OXR1: variants seen among roughly 807,000 people sequenced by gnomAD.
The protein encoded by OXR1 is oxidation resistance 1.
In OXR1, 41 loss-of-function variants were observed where a neutral mutation model predicts 104.6. That is an observed-to-expected ratio of 0.39 (90% CI 0.31 to 0.51). OXR1 has a LOEUF of 0.51. Ranked by LOEUF, OXR1 falls within the 20% of genes least tolerant of loss-of-function variation. The probability of loss-of-function intolerance (pLI) is 0.77; values close to 1 mark genes in which losing one functional copy is unlikely to be tolerated. For missense variants in OXR1, 955 were observed against 1,031.9 expected (o/e 0.93, Z 1.02); for synonymous variants, 348 against 348.4 (o/e 1.00, Z 0.01).
At chr8:106,521,346 T>A (rs1813241642) in intron 3 of OXR1, among the ~76,000 whole-genome samples, 1 of 152,180 alleles carries the variant, frequency 6.6e-6, no homozygotes, top group South Asian at 2.1e-4. Context: ...CAGGTAAGTG[T>A]TACACCCTAT....
chr8:106,360,250 C>T (rs946198485), intron 2 of OXR1, among the ~76,000 whole-genome samples: 9 of 152,100 alleles, frequency 5.9e-5, no homozygotes, highest in African/African-American at 1.4e-4. Context: ...CAATGAAGAA[C>T]AATACTAGTA....
At chr8:106,628,504 T>C (rs1822372860) in intron 3 of OXR1, among the ~76,000 whole-genome samples, 2 of 152,180 alleles carry the variant, frequency 1.3e-5, no homozygotes, top group Admixed American at 1.3e-4. Context: ...AACTCCAAAA[T>C]TGATGCTTTT....
At chr8:106,431,329 T>C (rs1819351044) in intron 2 of OXR1, among the ~76,000 whole-genome samples, 1 of 152,198 alleles carries the variant, frequency 6.6e-6, no homozygotes, top group Non-Finnish European at 1.5e-5. Context: ...TGTTTTAAAC[T>C]GGTGTGGATA....
At chr8:106,564,867 C>T (rs1816956826) in intron 3 of OXR1, among the ~76,000 whole-genome samples, 1 of 152,202 alleles carries the variant, frequency 6.6e-6, no homozygotes, top group Non-Finnish European at 1.5e-5. Context: ...ATAAACAGAA[C>T]CAATGACAAA....
chr8:106,740,073 G>A (rs1834787920), intron 13 of OXR1, among the ~76,000 whole-genome samples: 1 of 152,086 alleles, frequency 6.6e-6, no homozygotes, highest in African/African-American at 2.4e-5. Context: ...GAAGGCAAAA[G>A]CATTAAGTAA....
intron 11 of OXR1, among the ~76,000 whole-genome samples, chr8:106,733,034 T>C (rs933934643): frequency 3.3e-5 from 5 of 152,160 alleles, no homozygotes; most frequent in African/African-American, 9.7e-5. Context: ...GGTTATTAAT[T>C]ATTGATTAAT....
chr8:106,640,602 T>C (rs1823550625), intron 3 of OXR1, among the ~76,000 whole-genome samples: 1 of 152,076 alleles, frequency 6.6e-6, no homozygotes, highest in South Asian at 2.1e-4. Flanking sequence ...AGTACATGTA[T>C]ATTTAAAGTG....
At chr8:106,421,259 A>G (rs1818894463) in intron 2 of OXR1, among the ~76,000 whole-genome samples, 1 of 152,192 alleles carries the variant, frequency 6.6e-6, no homozygotes, top group Admixed American at 6.6e-5. Context: ...ACCTCTTGAC[A>G]TAATTCTGAG....
At position 106,742,299 on chromosome 8, in the gene OXR1, A is replaced by G. The variant is rs893725974; in HGVS notation, c.2394A>G (p.Thr798=). 1.9e-6 allele frequency: 3 copies of G among 1,605,474 alleles called. No homozygotes were observed. The highest frequency in any genetic ancestry group is 2.2e-5 in the South Asian group (2 of 90,634). ...GTACTGGAGAGACCTTTGTTTTTAC[A>G]TTCTGTCCGGAGTTTGAGGTAAGAA... The part of the protein sequence containing the change: ...FYGTGETFVF[T]FCPEFEVFKW... The change falls in exon 15 of 17, where the codon ACA becomes ACG. Residue 798 remains threonine (T), a synonymous_variant. Transcript: ENST00000517566.
intron 2 of OXR1, among the ~76,000 whole-genome samples, chr8:106,495,535 C>T (rs1489779903): frequency 2.6e-5 from 4 of 152,260 alleles, no homozygotes; most frequent in South Asian, 4.1e-4. Flanking sequence ...GTGCAAAAAG[C>T]AGAAGTTACT....
intron 11 of OXR1, among the ~76,000 whole-genome samples, chr8:106,716,839 G>A (rs1382036261): frequency 6.6e-6 from 1 of 152,024 alleles, no homozygotes; most frequent in Non-Finnish European, 1.5e-5. Context: ...CAATTGTAAT[G>A]TATCTTACAT....
At chr8:106,366,812 A>T (rs1646132872) in intron 2 of OXR1, among the ~76,000 whole-genome samples, 1 of 152,036 alleles carries the variant, frequency 6.6e-6, no homozygotes, top group Non-Finnish European at 1.5e-5. Context: ...TGTAAAGGAG[A>T]AGAGACAGAG....
At chr8:106,438,447 T>C (rs1005691407) in intron 2 of OXR1, among the ~76,000 whole-genome samples, 1 of 152,158 alleles carries the variant, frequency 6.6e-6, no homozygotes, top group Non-Finnish European at 1.5e-5. Flanking sequence ...AATGATACTA[T>C]TTTGGATATA....
At chr8:106,578,984 TTTC>T (rs1356237052) in intron 3 of OXR1, among the ~76,000 whole-genome samples, 9 of 44,190 alleles carry the variant, frequency 2.0e-4, no homozygotes, top group African/African-American at 1.1e-3. Context: ...TCACTTTTTC[TTTC>T]TTTTTTTTTT....
At chr8:106,474,082 G>T (rs1330937133) in intron 2 of OXR1, among the ~76,000 whole-genome samples, 1 of 145,608 alleles carries the variant, frequency 6.9e-6, no homozygotes, top group Non-Finnish European at 1.5e-5. Context: ...TCATGCTAAT[G>T]TTCCCTTAGG....
intron 9 of OXR1, among the ~76,000 whole-genome samples, chr8:106,710,096 T>C (rs562330225): frequency 3.7e-4 from 56 of 152,258 alleles, no homozygotes; most frequent in African/African-American, 1.3e-3. Context: ...TAATTCGTTC[T>C]TAATTAACTG....
chr8:106,417,449 T>C (rs1351588078), intron 2 of OXR1, among the ~76,000 whole-genome samples: 1 of 152,174 alleles, frequency 6.6e-6, no homozygotes, highest in Non-Finnish European at 1.5e-5. Flanking sequence ...CCAGAACTAA[T>C]TATTTGTTAC....
intron 2 of OXR1, among the ~76,000 whole-genome samples, chr8:106,409,289 A>T (rs1021991041): frequency 6.6e-6 from 1 of 152,072 alleles, no homozygotes; most frequent in Non-Finnish European, 1.5e-5. Context: ...GATGGAGAGG[A>T]GGCGAACTTG....
chr8:106,447,758 T>A (rs1474682383), intron 2 of OXR1, among the ~76,000 whole-genome samples: 1 of 151,986 alleles, frequency 6.6e-6, no homozygotes, highest in Non-Finnish European at 1.5e-5. Flanking sequence ...ATCTGAAGAG[T>A]CATCGTATTT....
Sources: gnomAD v4.1 joint callset for allele counts (sites outside exome capture counted in the v4.1 genomes callset) on GRCh38, gnomAD v4.1.1 for gene constraint, MANE v1.5 for transcripts, NCBI Gene and HGNC (gene_info 2026-07-23, HGNC 2026-07-21) for gene names.